SMIM31: variants seen among roughly 807,000 people sequenced by gnomAD.
SMIM31 encodes small integral membrane protein 31, also known as human epithelial cell program regulator.
chr4:164,765,620 C>T (rs1319238978), intron 1 of SMIM31, among the ~76,000 whole-genome samples: 1 of 130,460 alleles, frequency 7.7e-6, no homozygotes, highest in East Asian at 2.3e-4. Context: ...GATACTTTGT[C>T]TCAGAAAAAA....
chr4:164,778,358 T>G (rs952935924), intron 2 of SMIM31, among the ~76,000 whole-genome samples: 2 of 152,166 alleles, frequency 1.3e-5, no homozygotes, highest in Non-Finnish European at 2.9e-5. Context: ...CAATGCCACC[T>G]CATTCTTCTC....
chr4:164,782,668 T>A lies in SMIM31; in HGVS notation c.112+12113T>A, dbSNP rs1732970130. Reference sequence around the variant, plus strand: ...GTGATATAAACATCATAGGAGAGATTCCTAAATTTAAAAAGAATGCTACTT... The same window carrying A: ...GTGATATAAACATCATAGGAGAGATACCTAAATTTAAAAAGAATGCTACTT... On this transcript the variant is annotated intron_variant, in intron 2 of 2. Coordinates refer to ENST00000507311, the MANE Select transcript of SMIM31 (RefSeq NM_001352885.1). Among the ~76,000 whole-genome samples, 6 of 151,594 alleles carry A rather than the reference T, an allele frequency of 4.0e-5. No homozygotes were observed. In the South Asian group the frequency reaches 1.2e-3, roughly 32 times the overall value.
intron 2 of SMIM31, among the ~76,000 whole-genome samples, chr4:164,779,397 C>T (rs1732918478): frequency 6.6e-6 from 1 of 152,190 alleles, no homozygotes; most frequent in Admixed American, 6.5e-5. Context: ...TTGGAAGCTT[C>T]TGCTTCTTCT....
At chr4:164,771,119 A>G (rs1732795757) in intron 2 of SMIM31, among the ~76,000 whole-genome samples, 1 of 152,240 alleles carries the variant, frequency 6.6e-6, no homozygotes, top group African/African-American at 2.4e-5. Context: ...CCCCAATCCC[A>G]TCAATTCTTG....
At position 164,779,454 on chromosome 4, in the gene SMIM31, T is replaced by A. The variant is rs75975853; in HGVS notation, c.112+8899T>A. 1.6e-4 allele frequency among the ~76,000 whole-genome samples: 24 copies of A among 152,348 alleles called. 1 individual carries two copies. In the East Asian group the frequency reaches 4.6e-3, roughly 29 times the overall value. On this transcript the variant is annotated intron_variant, in intron 2 of 2. Coordinates refer to ENST00000507311, the MANE Select transcript of SMIM31 (RefSeq NM_001352885.1). Reference sequence around the variant, plus strand: ...CTATTAGCAAAAGACCAAACTGAGATTAGTGGCCAATCTGTAGACTTTCTA... The same window carrying A: ...CTATTAGCAAAAGACCAAACTGAGAATAGTGGCCAATCTGTAGACTTTCTA...
intron 2 of SMIM31, among the ~76,000 whole-genome samples, chr4:164,777,686 G>T (rs545750400): frequency 1.3e-5 from 2 of 151,730 alleles, no homozygotes; most frequent in Non-Finnish European, 2.9e-5. Flanking sequence ...TTGACAAGCA[G>T]TAGCTATCCA....
chr4:164,779,850 G>A (rs963676753), intron 2 of SMIM31, among the ~76,000 whole-genome samples: 2 of 152,192 alleles, frequency 1.3e-5, no homozygotes, highest in Non-Finnish European at 2.9e-5. Flanking sequence ...AATATGGATT[G>A]TTAGAGGTGG....
At position 164,801,101 on chromosome 4, in the gene SMIM31, T is replaced by TG; in HGVS notation, c.124dup (p.Glu42GlyfsTer13). ...TCTTTCTTATTGCAGAGGAAGAACA[T>TG]GAAAAAAAGGGAAGGGAAAAGAAAA... On this transcript the variant is annotated frameshift_variant, in exon 3 of 3. Coordinates refer to ENST00000507311, the MANE Select transcript of SMIM31 (RefSeq NM_001352885.1). LOFTEE classifies it low-confidence loss of function (END_TRUNC). 1 of 397,778 alleles carries TG rather than the reference T, an allele frequency of 2.5e-6. No individual in the cohort carries two copies. Among genetic ancestry groups the TG allele is most frequent in the East Asian group, 3.6e-5 (1 of 28,006 alleles). 24.6% of individuals were successfully genotyped at this position (397,778 alleles called of 1,614,324 possible). A position where few individuals can be genotyped will look rare whatever the true frequency, so the allele number is the denominator to read the frequency against.
At chr4:164,771,186 A>G (rs988779875) in intron 2 of SMIM31, among the ~76,000 whole-genome samples, 21 of 152,238 alleles carry the variant, frequency 1.4e-4, no homozygotes, top group African/African-American at 5.1e-4. Flanking sequence ...ATAGACATAC[A>G]ACACTATCAT....
At chr4:164,772,641 C>T (rs1052522936) in intron 2 of SMIM31, among the ~76,000 whole-genome samples, 16 of 150,080 alleles carry the variant, frequency 1.1e-4, no homozygotes, top group East Asian at 4.0e-4. Context: ...TGCAGTGGCG[C>T]GATCTCGACT....
chr4:164,776,615 T>A (rs778515825), intron 2 of SMIM31, among the ~76,000 whole-genome samples: 6 of 152,198 alleles, frequency 3.9e-5, no homozygotes, highest in Non-Finnish European at 8.8e-5. Flanking sequence ...TTAAAGATAA[T>A]AAGAAATCAC....
At chr4:164,780,545 T>C (rs1404273498) in intron 2 of SMIM31, among the ~76,000 whole-genome samples, 2 of 152,196 alleles carry the variant, frequency 1.3e-5, no homozygotes, top group Admixed American at 6.5e-5. Context: ...CTAATACTGG[T>C]AAACTGGATT....
At chr4:164,763,698 C>G (rs1391494803) in intron 1 of SMIM31, among the ~76,000 whole-genome samples, 1 of 152,172 alleles carries the variant, frequency 6.6e-6, no homozygotes, top group African/African-American at 2.4e-5. Context: ...TCAACAATCA[C>G]AGTACATTTA....
rs1242134003 is a variant in SMIM31, at chr4:164,803,496, A to G, written c.*2302A>G. On this transcript the variant is annotated 3_prime_UTR_variant, in exon 3 of 3. Transcript: ENST00000507311. ...AAAATAAAATCTCCCTAACATGTTTATGAAATAGCTGCAAAAGGCTGAGCG... is the reference window on the plus strand; with the variant it reads ...AAAATAAAATCTCCCTAACATGTTTGTGAAATAGCTGCAAAAGGCTGAGCG... The G allele has an allele frequency of 1.3e-5, 2 of 152,212 alleles. No individual in the cohort carries two copies. Among genetic ancestry groups the G allele is most frequent in the African/African-American group, 2.4e-5 (1 of 41,460 alleles). 9.4% of individuals were successfully genotyped at this position (152,212 alleles called of 1,614,324 possible). A position where few individuals can be genotyped will look rare whatever the true frequency, so the allele number is the denominator to read the frequency against.
At chr4:164,785,516 A>G (rs1733015745) in intron 2 of SMIM31, among the ~76,000 whole-genome samples, 1 of 152,104 alleles carries the variant, frequency 6.6e-6, no homozygotes, top group Admixed American at 6.5e-5. Flanking sequence ...AATAGTAACC[A>G]TATTTAAGGA....
rs544226529 is a variant in SMIM31, at chr4:164,758,157, AATT to A, written c.-26+3752_-26+3754del. ...AATTGTTGAATTCTATTTAAAATAT[AATT>A]ATTATGTTTTATTTTACAATTATTG... On this transcript the variant is annotated intron_variant, in intron 1 of 2. Coordinates refer to ENST00000507311, the MANE Select transcript of SMIM31 (RefSeq NM_001352885.1). Among the ~76,000 whole-genome samples the A allele has an allele frequency of 4.1e-4, 63 of 152,172 alleles. 1 individual carries two copies. In the South Asian group the frequency reaches 0.011, roughly 27 times the overall value.
intron 2 of SMIM31, among the ~76,000 whole-genome samples, chr4:164,778,239 A>G (rs2110941747): frequency 6.6e-6 from 1 of 152,314 alleles, no homozygotes; most frequent in Admixed American, 6.5e-5. Context: ...AAATAAATAA[A>G]TAAATAAACA....
Position 164,779,188 on chromosome 4 carries a change from T to C in SMIM31, c.112+8633T>C, listed in dbSNP as rs1579067896. On this transcript the variant is annotated intron_variant, in intron 2 of 2. Transcript: ENST00000507311. ...GTCTTAGAGAATGTCATGAAGACTG[T>C]GTTCATTTCTAATTCTTCAGTAATT... Among the ~76,000 whole-genome samples the C allele has an allele frequency of 2.0e-5, 3 of 152,302 alleles. No individual in the cohort carries two copies. The South Asian group carries it at 6.2e-4, about 32-fold the overall frequency.
chr4:164,769,836 G>T (rs1047875547), intron 1 of SMIM31, among the ~76,000 whole-genome samples: 12 of 152,164 alleles, frequency 7.9e-5, no homozygotes, highest in African/African-American at 2.7e-4. Flanking sequence ...TTGATTGGCT[G>T]GTTGGTTGGT....
Sources: allele counts gnomAD v4.1 joint callset (sites outside exome capture counted in the v4.1 genomes callset), GRCh38; gene constraint gnomAD v4.1.1; transcripts MANE v1.5; gene names NCBI Gene and HGNC (gene_info 2026-07-23, HGNC 2026-07-21).